CAPN2: variants seen among roughly 807,000 people sequenced by gnomAD.
CAPN2 encodes the protein calpain 2, also known as calpain-2 catalytic subunit.
A neutral mutation model predicts 102.3 loss-of-function variants in CAPN2; 92 were observed. The observed-to-expected ratio is 0.90, with a 90% CI of 0.76 to 1.07. CAPN2 has a LOEUF of 1.07. Ranked by LOEUF, CAPN2 falls within the 50% of genes least tolerant of loss-of-function variation. CAPN2 has a pLI of 0.00. For missense variants in CAPN2, 800 were observed against 909.4 expected (o/e 0.88, Z 1.55); for synonymous variants, 340 against 355.4 (o/e 0.96, Z 0.49).
chr1:223,750,637 C>T (rs1660863477), intron 6 of CAPN2, among the ~76,000 whole-genome samples: 1 of 152,218 alleles, frequency 6.6e-6, no homozygotes, highest in Non-Finnish European at 1.5e-5. Flanking sequence ...CACCAACAGC[C>T]CCATCCTCGA....
chr1:223,702,191 C>T lies in CAPN2; in HGVS notation c.3+360C>T, dbSNP rs1181859243. Among the ~76,000 whole-genome samples the T allele has an allele frequency of 3.3e-5, 5 of 151,252 alleles. No homozygotes were observed. The East Asian group carries it at 5.8e-4, about 18-fold the overall frequency. On this transcript the variant is annotated intron_variant, in intron 1 of 20. Transcript: ENST00000433674. ...CTGTAATCCCAGCACTTTGGGAGGC[C>T]GAGGTGGGTGGATGATTTGAGGTCA...
At chr1:223,719,797 G>GGTGTGC (rs376407005) in intron 2 of CAPN2, among the ~76,000 whole-genome samples, 6 of 126,546 alleles carry the variant, frequency 4.7e-5, no homozygotes, top group African/African-American at 1.4e-4. Context: ...ATTTCTCAGG[G>GGTGTGC]GTGTGTGCGT....
chr1:223,762,280 A>C, intron 14 of CAPN2, 29 bp downstream of exon 14: 1 of 1,551,666 alleles, frequency 6.4e-7, no homozygotes, highest in Non-Finnish European at 8.9e-7. Context: ...GATGTTATGC[A>C]CTCTGGTTGA....
chr1:223,717,508 C>G (rs1210975759), intron 1 of CAPN2, among the ~76,000 whole-genome samples: 1 of 152,170 alleles, frequency 6.6e-6, no homozygotes, highest in East Asian at 1.9e-4. Context: ...ATGAAGGAGG[C>G]TCCAGGCAGT....
At chr1:223,768,698 A>G (rs1211897113) in intron 16 of CAPN2, among the ~76,000 whole-genome samples, 1 of 151,024 alleles carries the variant, frequency 6.6e-6, no homozygotes, top group Non-Finnish European at 1.5e-5. Context: ...ATGAACTTTA[A>G]AGTAGTTTTT....
intron 11 of CAPN2, 30 bp downstream of exon 11, chr1:223,757,410 A>G (rs758774673): frequency 6.2e-7 from 1 of 1,613,876 alleles, no homozygotes; most frequent in Non-Finnish European, 8.5e-7. Context: ...CGGGGTGCTC[A>G]GGTCACCAAA....
intron 2 of CAPN2, among the ~76,000 whole-genome samples, chr1:223,722,259 CTTTCTTTCTT>C (rs1660068142): frequency 6.9e-6 from 1 of 145,398 alleles, no homozygotes; most frequent in Non-Finnish European, 1.5e-5. Flanking sequence ...ATTTCTTTTC[CTTTCTTTCTT>C]TTTCTTTCTT....
chr1:223,728,562 T>A (rs996343756), intron 2 of CAPN2, among the ~76,000 whole-genome samples: 1 of 152,172 alleles, frequency 6.6e-6, no homozygotes. Context: ...CACTTCTAGA[T>A]GGAGAGTGGC....
At chr1:223,763,607 C>T (rs1202340524) in intron 14 of CAPN2, among the ~76,000 whole-genome samples, 1 of 152,154 alleles carries the variant, frequency 6.6e-6, no homozygotes, top group African/African-American at 2.4e-5. Flanking sequence ...ACCAGTTTTA[C>T]AGGAAGTCTG....
At chr1:223,757,323 T>TA (rs1184763588) in intron 10 of CAPN2, 46 bp from the exon 11 acceptor site, 1 of 1,612,692 alleles carries the variant, frequency 6.2e-7, no homozygotes, top group Non-Finnish European at 8.5e-7. Context: ...TGCATTTTCT[T>TA]ACACTGCTTT....
intron 6 of CAPN2, 127 bp downstream of exon 6, chr1:223,749,249 T>G: frequency 3.9e-6 from 3 of 761,814 alleles, no homozygotes; most frequent in Non-Finnish European, 6.5e-6. Flanking sequence ...GGCCCCGCAC[T>G]CCTGAAGTTC....
At chr1:223,737,950 C>G (rs1478430800) in intron 2 of CAPN2, among the ~76,000 whole-genome samples, 1 of 152,008 alleles carries the variant, frequency 6.6e-6, no homozygotes, top group African/African-American at 2.4e-5. Context: ...AGGTCTGATT[C>G]TAGATTTTTT....
At chr1:223,719,805 CGTGTGT>C (rs10556130) in intron 2 of CAPN2, among the ~76,000 whole-genome samples, 196 of 143,726 alleles carry the variant, frequency 1.4e-3, no homozygotes, top group African/African-American at 3.2e-3. Context: ...GGGGTGTGTG[CGTGTGT>C]GTGTGTGTGT....
At chr1:223,713,184 G>A (rs1327986050) in intron 1 of CAPN2, among the ~76,000 whole-genome samples, 1 of 152,120 alleles carries the variant, frequency 6.6e-6, no homozygotes, top group Admixed American at 6.5e-5. Flanking sequence ...TCAGGGTGAT[G>A]CAGGAGGCCG....
chr1:223,703,771 C>T (rs190901299), intron 1 of CAPN2, among the ~76,000 whole-genome samples: 16 of 152,266 alleles, frequency 1.1e-4, no homozygotes, highest in Non-Finnish European at 1.6e-4. Context: ...CATTTGCTTC[C>T]CAGAGGACTC....
Position 223,764,158 on chromosome 1 carries a change from G to C in CAPN2, c.1641G>C (p.Glu547Asp). 1 of 1,613,956 alleles carries C rather than the reference G, an allele frequency of 6.2e-7. No individual in the cohort carries two copies. Among genetic ancestry groups the C allele is most frequent in the South Asian group, 1.1e-5 (1 of 91,074 alleles). Residue 547 changes from glutamate (E) to aspartate (D), a missense_variant, in exon 15 of 21, where the codon GAG becomes GAC. Coordinates refer to ENST00000295006, the MANE Select transcript of CAPN2 (RefSeq NM_001748.5). ...TGGTTATGTGTCCACAGGATGCGGAGATCTCTGCCTTTGAGCTGCAGACCA... is the reference window on the plus strand; with the variant it reads ...TGGTTATGTGTCCACAGGATGCGGACATCTCTGCCTTTGAGCTGCAGACCA... The part of the protein sequence containing the change: ...LFAQLAGEDA[E>D]ISAFELQTIL...
chr1:223,709,675 A>C (rs1304215262), upstream of CAPN2, among the ~76,000 whole-genome samples: 2 of 151,854 alleles, frequency 1.3e-5, no homozygotes, highest in Admixed American at 6.6e-5. Flanking sequence ...AAAAAAAAAG[A>C]GTCCATTTAA....
At chr1:223,709,911 T>A (rs1386393381), upstream of CAPN2, among the ~76,000 whole-genome samples, 1 of 152,224 alleles carries the variant, frequency 6.6e-6, no homozygotes, top group Non-Finnish European at 1.5e-5. Context: ...TTAGATTACT[T>A]ACTTAGAGTT....
intron 15 of CAPN2, among the ~76,000 whole-genome samples, chr1:223,765,314 A>G (rs1661283744): frequency 6.6e-6 from 1 of 152,184 alleles, no homozygotes; most frequent in South Asian, 2.1e-4. Flanking sequence ...GGGCTGGGCC[A>G]GTCAGGTTAC....
Sources: gnomAD v4.1 joint callset for allele counts (sites outside exome capture counted in the v4.1 genomes callset) on GRCh38, gnomAD v4.1.1 for gene constraint, MANE v1.5 for transcripts, NCBI Gene and HGNC (gene_info 2026-07-23, HGNC 2026-07-21) for gene names.